ROBO1: variants seen among roughly 807,000 people sequenced by gnomAD.
The protein encoded by ROBO1 is roundabout guidance receptor 1, also known as roundabout homolog 1.
Under a neutral mutation model 195.9 loss-of-function variants are expected in ROBO1, and 149 were observed. The ratio of observed to expected loss-of-function variants is 0.76; its 90% CI spans 0.67 to 0.87. The LOEUF is 0.87. Ranked by LOEUF, ROBO1 falls within the 40% of genes least tolerant of loss-of-function variation. The pLI is 0.00. For synonymous variants in ROBO1, 816 were observed against 733.2 expected (o/e 1.11, Z -1.82); for missense variants, 1,933 against 2,068.3 (o/e 0.93, Z 1.27).
At chr3:79,381,483 T>C (rs1252895737) in intron 2 of ROBO1, among the ~76,000 whole-genome samples, 1 of 152,106 alleles carries the variant, frequency 6.6e-6, no homozygotes, top group Non-Finnish European at 1.5e-5. Context: ...AAAACTATTT[T>C]CTATAGCATA....
intron 4 of ROBO1, among the ~76,000 whole-genome samples, chr3:78,753,535 C>T (rs365165): frequency 0.35 from 52,892 of 151,942 alleles, 11,548 homozygotes; most frequent in Middle Eastern, 0.5. Flanking sequence ...TTTAATTTGA[C>T]TTTAAGTTCT....
intron 3 of ROBO1, among the ~76,000 whole-genome samples, chr3:79,079,972 C>A (rs1376181701): frequency 2.0e-5 from 3 of 151,312 alleles, no homozygotes; most frequent in African/African-American, 7.3e-5. Context: ...CATTCAGAAA[C>A]AAAGCTTCAG....
At chr3:79,710,293 C>A (rs1202156024) in intron 1 of ROBO1, among the ~76,000 whole-genome samples, 3 of 151,956 alleles carry the variant, frequency 2.0e-5, no homozygotes, top group African/African-American at 7.3e-5. Context: ...AAAAAAGAAA[C>A]CCACACCTGG....
At chr3:79,641,573 T>G (rs1945662461) in intron 1 of ROBO1, among the ~76,000 whole-genome samples, 1 of 151,484 alleles carries the variant, frequency 6.6e-6, no homozygotes, top group African/African-American at 2.4e-5. Context: ...ATAAAAAAAA[T>G]AAAATAAGAA....
chr3:79,573,939 G>A (rs1194651637), intron 2 of ROBO1, among the ~76,000 whole-genome samples: 1 of 151,996 alleles, frequency 6.6e-6, no homozygotes, highest in African/African-American at 2.4e-5. Context: ...GTTAACCCAT[G>A]GTGAACATGT....
At chr3:79,534,552 T>A (rs747361269) in intron 2 of ROBO1, among the ~76,000 whole-genome samples, 7 of 152,176 alleles carry the variant, frequency 4.6e-5, no homozygotes, top group Non-Finnish European at 8.8e-5. Flanking sequence ...TAACGCTGTT[T>A]TAAAGAATGG....
At chr3:78,720,163 T>C (rs889681532) in intron 5 of ROBO1, among the ~76,000 whole-genome samples, 4 of 151,532 alleles carry the variant, frequency 2.6e-5, no homozygotes, top group South Asian at 2.1e-4. Context: ...AGTATCAACA[T>C]TGAGGCAGAG....
In ROBO1 at chr3:79,444,641, A is replaced by T. The variant is rs143192529; in HGVS notation, c.88+145183T>A. Among the ~76,000 whole-genome samples the T allele has an allele frequency of 2.3e-3, 343 of 152,278 alleles. 2 individuals are homozygous for T. Among genetic ancestry groups the T allele is most frequent in the African/African-American group, 7.7e-3 (321 of 41,578 alleles). On this transcript the variant is annotated intron_variant, in intron 2 of 30. Coordinates refer to ENST00000464233, the MANE Select transcript of ROBO1 (RefSeq NM_002941.4). Reference sequence around the variant, plus strand: ...GAAGAGTCTCTTGGACTTGAGCACCAGTAGATAAATACATTAAAAATTCAA... The same window carrying T: ...GAAGAGTCTCTTGGACTTGAGCACCTGTAGATAAATACATTAAAAATTCAA...
At chr3:78,793,964 T>A (rs1250237844) in intron 4 of ROBO1, among the ~76,000 whole-genome samples, 2 of 152,108 alleles carry the variant, frequency 1.3e-5, no homozygotes, top group Admixed American at 6.5e-5. Context: ...TTTAACTAGA[T>A]CCTCATCTAA....
chr3:78,783,584 G>A (rs1173068053), intron 4 of ROBO1, among the ~76,000 whole-genome samples: 1 of 152,090 alleles, frequency 6.6e-6, no homozygotes, highest in Non-Finnish European at 1.5e-5. Context: ...CTATACATAG[G>A]TTCTATGGCA....
chr3:79,180,325 A>G (rs2081319466), intron 2 of ROBO1, among the ~76,000 whole-genome samples: 1 of 152,228 alleles, frequency 6.6e-6, no homozygotes, highest in Admixed American at 6.5e-5. Context: ...AGGCACTGCC[A>G]TAGCCACTGG....
intron 1 of ROBO1, among the ~76,000 whole-genome samples, chr3:79,765,783 C>T (rs971948432): frequency 1.3e-5 from 2 of 152,164 alleles, no homozygotes; most frequent in African/African-American, 2.4e-5. Context: ...GTGTAGCCTT[C>T]AAGTAACTGA....
At chr3:79,154,562 G>A (rs1039252056) in intron 2 of ROBO1, among the ~76,000 whole-genome samples, 2 of 151,652 alleles carry the variant, frequency 1.3e-5, no homozygotes, top group African/African-American at 4.8e-5. Flanking sequence ...ATAAGTAAAG[G>A]GAAATTCATG....
chr3:79,115,636 A>G (rs1374291288), intron 3 of ROBO1, among the ~76,000 whole-genome samples: 1 of 152,158 alleles, frequency 6.6e-6, no homozygotes, highest in East Asian at 1.9e-4. Flanking sequence ...TGCATAAAGC[A>G]ATGTTGAGCC....
rs141864602 is a variant in ROBO1 at position 79,113,808 on chromosome 3, C to A, written c.172+11648G>T. 2.2e-3 allele frequency among the ~76,000 whole-genome samples: 330 copies of A among 152,170 alleles called. 3 individuals are homozygous for A. Among genetic ancestry groups the A allele is most frequent in the African/African-American group, 7.6e-3 (316 of 41,536 alleles). Reference sequence around the variant, plus strand: ...TTAAAGACTTGAAATATACAATAGGCCTTTATCCTGAACTTACTTCCCATT... The same window carrying A: ...TTAAAGACTTGAAATATACAATAGGACTTTATCCTGAACTTACTTCCCATT... On this transcript the variant is annotated intron_variant, in intron 3 of 30. Transcript: ENST00000464233.
At chr3:78,659,017 C>A (rs1362834888) in intron 17 of ROBO1, among the ~76,000 whole-genome samples, 1 of 152,124 alleles carries the variant, frequency 6.6e-6, no homozygotes, top group Non-Finnish European at 1.5e-5. Flanking sequence ...TGCCTACATT[C>A]CACAATTTAG....
intron 4 of ROBO1, among the ~76,000 whole-genome samples, chr3:78,824,770 G>A (rs1279266374): frequency 6.6e-6 from 1 of 152,020 alleles, no homozygotes; most frequent in Non-Finnish European, 1.5e-5. Context: ...TCCTAAATTA[G>A]GCAAATAACA....
At chr3:78,950,798 G>T (rs1336538023) in intron 3 of ROBO1, among the ~76,000 whole-genome samples, 4 of 151,764 alleles carry the variant, frequency 2.6e-5, no homozygotes, top group South Asian at 2.1e-4. Context: ...ACTTCACTCA[G>T]TAGAGACCCT....
chr3:79,642,701 C>T (rs914466531), intron 1 of ROBO1, among the ~76,000 whole-genome samples: 19 of 152,002 alleles, frequency 1.2e-4, no homozygotes, highest in Admixed American at 5.2e-4. Context: ...AAAGTATGTC[C>T]TAGACAAACA....
Sources: allele counts gnomAD v4.1 joint callset (sites outside exome capture counted in the v4.1 genomes callset), GRCh38; gene constraint gnomAD v4.1.1; transcripts MANE v1.5; gene names NCBI Gene and HGNC (gene_info 2026-07-23, HGNC 2026-07-21).